The following NPAS3 variants were observed in gnomAD, a reference collection of about 807,000 sequenced individuals.
NPAS3 encodes the protein neuronal PAS domain protein 3.
A neutral mutation model predicts 73.1 loss-of-function variants in NPAS3; 14 were observed. That is an observed-to-expected ratio of 0.19 (90% CI 0.13 to 0.30). NPAS3 has a LOEUF of 0.30. NPAS3 is among the 10% of genes least tolerant of loss of function. NPAS3 has a pLI of 1.00. For synonymous variants in NPAS3, 620 were observed against 541.5 expected (o/e 1.14, Z -2.01); for missense variants, 1,096 against 1,250.0 (o/e 0.88, Z 1.86).
chr14:32,975,308 G>GTCCCTCCCTT (rs1555313400), intron 1 of NPAS3, among the ~76,000 whole-genome samples: 1 of 103,998 alleles, frequency 9.6e-6, no homozygotes, highest in African/African-American at 3.7e-5. Context: ...CTCCCTCCCT[G>GTCCCTCCCTT]CCTCCGTCAC....
chr14:33,083,178 CAAAAAAAAAAAAAAAAAAAAAAAAAAAA>C (rs57147759), intron 2 of NPAS3, among the ~76,000 whole-genome samples: 1 of 65,028 alleles, frequency 1.5e-5, no homozygotes, highest in East Asian at 5.1e-4. Flanking sequence ...GAGACTGTCT[CAAAAAAAAAAAAAAAAAAAAAAAAAAAA>C]AAAAAAAAGA....
intron 3 of NPAS3, among the ~76,000 whole-genome samples, chr14:33,352,276 G>T (rs1004613591): frequency 6.6e-6 from 1 of 152,134 alleles, no homozygotes; most frequent in Non-Finnish European, 1.5e-5. Flanking sequence ...CTGGCCCAAG[G>T]TGGCACAACC....
chr14:33,498,694 TG>T (rs578074818), intron 4 of NPAS3, among the ~76,000 whole-genome samples: 15 of 124,594 alleles, frequency 1.2e-4, no homozygotes, highest in Admixed American at 3.2e-4. Context: ...TGTTGGGGGA[TG>T]GGGGGGCTAG....
chr14:33,799,884 GCGACAGCGA>G (rs911824014), exon 12 of NPAS3: 4 of 1,614,080 alleles, frequency 2.5e-6, no homozygotes, highest in Middle Eastern at 1.6e-4. Flanking sequence ...CCGGACAGCC[GCGACAGCGA>G]CGACAGCTTC....
chr14:33,643,846 A>G (rs2058747933), intron 5 of NPAS3, among the ~76,000 whole-genome samples: 1 of 152,182 alleles, frequency 6.6e-6, no homozygotes, highest in South Asian at 2.1e-4. Flanking sequence ...GTTTTTAAAT[A>G]ATGTATGTAA....
intron 2 of NPAS3, among the ~76,000 whole-genome samples, chr14:33,059,300 T>C (rs942902225): frequency 6.6e-6 from 1 of 152,220 alleles, no homozygotes; most frequent in African/African-American, 2.4e-5. Context: ...TAGACAATTG[T>C]TTCAATAATG....
chr14:33,566,986 T>C (rs556080021), intron 5 of NPAS3, among the ~76,000 whole-genome samples: 2 of 152,346 alleles, frequency 1.3e-5, no homozygotes, highest in African/African-American at 4.8e-5. Flanking sequence ...ACCGTTGGTG[T>C]TTGGAAAGTA....
intron 5 of NPAS3, among the ~76,000 whole-genome samples, chr14:33,576,038 G>A (rs979025570): frequency 2.0e-5 from 3 of 152,076 alleles, no homozygotes; most frequent in Non-Finnish European, 4.4e-5. Context: ...TGGCAAACTG[G>A]ATTTTACAAA....
intron 6 of NPAS3, among the ~76,000 whole-genome samples, chr14:33,709,480 G>A (rs1236881669): frequency 1.3e-5 from 2 of 152,146 alleles, no homozygotes; most frequent in Non-Finnish European, 2.9e-5. Context: ...ACTCGGGAGG[G>A]CAAGAGTTTA....
At chr14:33,003,578 A>C (rs2038886357) in intron 1 of NPAS3, among the ~76,000 whole-genome samples, 4 of 152,226 alleles carry the variant, frequency 2.6e-5, no homozygotes, top group Admixed American at 2.6e-4. Context: ...TGAAGCATTC[A>C]GAAAGGACTA....
chr14:33,648,306 T>C (rs2058892835), intron 5 of NPAS3, among the ~76,000 whole-genome samples: 1 of 152,228 alleles, frequency 6.6e-6, no homozygotes, highest in Non-Finnish European at 1.5e-5. Flanking sequence ...AAGCTGACTT[T>C]AGGTCCATTG....
At chr14:33,444,586 C>T (rs953010580) in intron 4 of NPAS3, among the ~76,000 whole-genome samples, 1 of 152,332 alleles carries the variant, frequency 6.6e-6, no homozygotes, top group East Asian at 1.9e-4. Context: ...TCCTGACCAG[C>T]GTCACTGGAG....
chr14:33,000,106 G>T (rs1427785176), intron 1 of NPAS3, among the ~76,000 whole-genome samples: 1 of 152,190 alleles, frequency 6.6e-6, no homozygotes, highest in African/African-American at 2.4e-5. Flanking sequence ...AGAAGGAGTT[G>T]CTGGCAACAG....
chr14:33,748,713 G>A (rs1381369160), intron 7 of NPAS3, among the ~76,000 whole-genome samples: 1 of 152,160 alleles, frequency 6.6e-6, no homozygotes, highest in East Asian at 1.9e-4. Context: ...TGAAAACAAA[G>A]CGAACAATTG....
intron 2 of NPAS3, among the ~76,000 whole-genome samples, chr14:33,142,304 C>A (rs1444712986): frequency 7.2e-6 from 1 of 139,694 alleles, no homozygotes; most frequent in Non-Finnish European, 1.5e-5. Flanking sequence ...CAACACAAGA[C>A]ATACACTAAC....
intron 1 of NPAS3, among the ~76,000 whole-genome samples, chr14:33,040,140 G>A (rs1055167187): frequency 1.3e-5 from 2 of 152,108 alleles, no homozygotes; most frequent in Non-Finnish European, 2.9e-5. Flanking sequence ...AGAAGTGGCA[G>A]TAACCTGCAG....
At chr14:33,710,644 G>A (rs148260094) in intron 6 of NPAS3, among the ~76,000 whole-genome samples, 13 of 152,240 alleles carry the variant, frequency 8.5e-5, no homozygotes, top group Non-Finnish European at 1.9e-4. Context: ...TCCAGACAGT[G>A]GGTCCCCGGA....
chr14:33,175,768 T>G (rs1006389996), intron 2 of NPAS3, among the ~76,000 whole-genome samples: 2 of 152,154 alleles, frequency 1.3e-5, no homozygotes, highest in African/African-American at 4.8e-5. Context: ...AGAGTATTAT[T>G]TTTAAAAAAA....
At chr14:33,729,419 GC>G (rs2061348806) in intron 6 of NPAS3, among the ~76,000 whole-genome samples, 1 of 152,120 alleles carries the variant, frequency 6.6e-6, no homozygotes, top group Non-Finnish European at 1.5e-5. Flanking sequence ...AATATTGACG[GC>G]TTTAAAAAAG....
Sources: allele counts gnomAD v4.1 joint callset (sites outside exome capture counted in the v4.1 genomes callset), GRCh38; gene constraint gnomAD v4.1.1; transcripts MANE v1.5; gene names NCBI Gene and HGNC (gene_info 2026-07-23, HGNC 2026-07-21).